The following KDM4B variants were observed in gnomAD, a reference collection of about 807,000 sequenced individuals.
The protein encoded by KDM4B is lysine demethylase 4B, also known as lysine-specific demethylase 4B.
A neutral mutation model predicts 125.2 loss-of-function variants in KDM4B; 32 were observed. That is an observed-to-expected ratio of 0.26 (90% CI 0.19 to 0.34). The LOEUF is 0.34. KDM4B is among the 10% of genes least tolerant of loss of function. The probability of loss-of-function intolerance (pLI) is 1.00; values close to 1 mark genes in which losing one functional copy is unlikely to be tolerated. For missense variants in KDM4B, 1,190 were observed against 1,577.7 expected (o/e 0.75, Z 4.16); for synonymous variants, 721 against 677.9 (o/e 1.06, Z -0.99).
At chr19:4,986,229 G>A (rs890591027) in intron 1 of KDM4B, among the ~76,000 whole-genome samples, 12 of 152,334 alleles carry the variant, frequency 7.9e-5, no homozygotes, top group Middle Eastern at 3.4e-3. Flanking sequence ...GGGGCTTCAC[G>A]AGCCACATTC....
At position 5,073,430 on chromosome 19, in the gene KDM4B, C is replaced by A. The variant is rs915279655; in HGVS notation, c.676+2371C>A. On this transcript the variant is annotated intron_variant, in intron 7 of 22. Transcript: ENST00000159111. ...AGTCTGTACTGGAGCTGGGCTTCAC[C>A]CAGGCGGGCCCCTCCTGGTGCTCTC... Among the ~76,000 whole-genome samples, 18 of 152,392 alleles carry A rather than the reference C, an allele frequency of 1.2e-4. 1 individual carries two copies. Among genetic ancestry groups the A allele is most frequent in the Admixed American group, 1.1e-3 (17 of 15,310 alleles).
At chr19:5,062,948 G>A (rs1464127094) in intron 6 of KDM4B, among the ~76,000 whole-genome samples, 1 of 151,508 alleles carries the variant, frequency 6.6e-6, no homozygotes, top group African/African-American at 2.4e-5. Context: ...GCCTTACTTA[G>A]ACGTTTATAT....
intron 11 of KDM4B, among the ~76,000 whole-genome samples, chr19:5,125,453 C>T (rs1194034665): frequency 1.3e-5 from 2 of 152,206 alleles, no homozygotes; most frequent in Non-Finnish European, 2.9e-5. Context: ...GAAGCCTACA[C>T]CGCGTGGGAG....
chr19:5,031,154 G>A lies in KDM4B; in HGVS notation c.-25-1712G>A, dbSNP rs1416040085. 3.3e-5 allele frequency among the ~76,000 whole-genome samples: 5 copies of A among 152,330 alleles called. No homozygotes were observed. In the East Asian group the frequency reaches 9.7e-4, roughly 29 times the overall value. The stretch of plus-strand genomic sequence containing the variant: ...GGCCACATCTGGGTGAGAGCGGGAG[G>A]GCAGGTGCAGCGTTGGGGGGATCCT... On this transcript the variant is annotated intron_variant, in intron 2 of 22. Coordinates refer to ENST00000159111, the MANE Select transcript of KDM4B (RefSeq NM_015015.3).
chr19:5,116,967 A>G (rs1315790928), intron 10 of KDM4B, among the ~76,000 whole-genome samples: 1 of 152,156 alleles, frequency 6.6e-6, no homozygotes, highest in Non-Finnish European at 1.5e-5. Flanking sequence ...TGAAGATGTC[A>G]GGGTCAGGAA....
Position 5,137,327 on chromosome 19 carries a change from G to T in KDM4B, c.2374G>T (p.Ala792Ser), listed in dbSNP as rs200842905. ...GACGTGTTCCCGGTGCGCGGCCCAC[G>T]CCTGGACTGCGGTAACTCGCTCCCC... Reference protein sequence around the residue: ...GWTCSRCAAHAWTAECCLCNL... With the variant: ...GWTCSRCAAHSWTAECCLCNL... The change falls in exon 16 of 23, where the codon GCC (alanine) becomes TCC (serine). Residue 792 changes from alanine (A) to serine (S), a missense_variant. Ala to Ser is a moderately conservative substitution (Grantham distance 99). Around this residue, in one of 7 missense-constraint regions of KDM4B, gnomAD observed 298 missense variants for 439.7 expected, o/e 0.68. Transcript: ENST00000159111. 1 of 1,569,940 alleles carries T rather than the reference G, an allele frequency of 6.4e-7. No homozygotes were observed. The highest frequency in any genetic ancestry group is 1.2e-5 in the South Asian group (1 of 85,392).
chr19:5,080,721 A>G (rs879378395), intron 8 of KDM4B: 3 of 152,258 alleles, frequency 2.0e-5, no homozygotes, highest in Non-Finnish European at 4.4e-5. Context: ...ATGAAAACAT[A>G]TGTCTCCAGA....
At chr19:5,001,365 G>C (rs963072377) in intron 1 of KDM4B, among the ~76,000 whole-genome samples, 8 of 152,176 alleles carry the variant, frequency 5.3e-5, no homozygotes, top group African/African-American at 1.9e-4. Flanking sequence ...GCTGTGCTCT[G>C]TTCATTTAGC....
intron 2 of KDM4B, among the ~76,000 whole-genome samples, chr19:5,020,118 AGTGTGCAGGTGTTGGTGTGGATGTTG>A (rs1399204710): frequency 0.26 from 17,956 of 68,212 alleles, 1,538 homozygotes; most frequent in Non-Finnish European, 0.32. Flanking sequence ...TGCAGGTGTT[AGTGTGCAGGTGTTGGTGTGGATGTTG>A]GTGTGCAGGT....
At chr19:5,102,854 C>T (rs371569739) in intron 9 of KDM4B, among the ~76,000 whole-genome samples, 6 of 152,222 alleles carry the variant, frequency 3.9e-5, no homozygotes, top group South Asian at 4.1e-4. Flanking sequence ...GAGCTCTTCA[C>T]GTCCGGTGCT....
intron 7 of KDM4B, chr19:5,075,907 TG>T: frequency 6.5e-6 from 1 of 154,388 alleles, no homozygotes; most frequent in Non-Finnish European, 1.4e-5. Context: ...CTGTGCTGTG[TG>T]GGGGGGCAGG....
chr19:4,985,302 C>T (rs2034789274), intron 1 of KDM4B, among the ~76,000 whole-genome samples: 1 of 152,050 alleles, frequency 6.6e-6, no homozygotes, highest in Admixed American at 6.5e-5. Context: ...CCAGCCTGGG[C>T]AACAGAGCGA....
At chr19:5,084,540 AT>A (rs888467297) in intron 9 of KDM4B, among the ~76,000 whole-genome samples, 2 of 133,666 alleles carry the variant, frequency 1.5e-5, no homozygotes, top group Non-Finnish European at 3.1e-5. Context: ...TTATTTATAT[AT>A]TATATATAAT....
At position 5,024,045 on chromosome 19, in the gene KDM4B, C is replaced by G. The variant is rs73921829; in HGVS notation, c.-26+7706C>G. 1.7e-3 allele frequency among the ~76,000 whole-genome samples: 255 copies of G among 152,240 alleles called. 3 individuals carry two copies. The highest frequency in any genetic ancestry group is 5.7e-3 in the African/African-American group (237 of 41,546). On this transcript the variant is annotated intron_variant, in intron 2 of 22. Coordinates refer to ENST00000159111, the MANE Select transcript of KDM4B (RefSeq NM_015015.3). ...GGGTCACAGGCGTGAGCCCCTGCCC[C>G]TGGCCTTCTTATTTTTAAACCGATT...
intron 1 of KDM4B, among the ~76,000 whole-genome samples, chr19:5,004,151 G>T (rs369654569): frequency 3.9e-5 from 6 of 152,312 alleles, no homozygotes; most frequent in African/African-American, 1.4e-4. Flanking sequence ...CCTGGAGGGC[G>T]GGTGTGCTGG....
At chr19:5,023,503 G>A (rs1367639041) in intron 2 of KDM4B, among the ~76,000 whole-genome samples, 1 of 152,186 alleles carries the variant, frequency 6.6e-6, no homozygotes, top group South Asian at 2.1e-4. Flanking sequence ...GTGGCTTGGG[G>A]CTCCTCTGTC....
chr19:5,067,102 G>A (rs1269121332), intron 6 of KDM4B, among the ~76,000 whole-genome samples: 1 of 152,082 alleles, frequency 6.6e-6, no homozygotes, highest in South Asian at 2.1e-4. Flanking sequence ...CCTCCCTCCC[G>A]AAGGCTCCCC....
intron 6 of KDM4B, among the ~76,000 whole-genome samples, chr19:5,065,213 G>A (rs553714568): frequency 3.4e-4 from 52 of 152,308 alleles, no homozygotes; most frequent in African/African-American, 1.2e-3. Context: ...ATGTGGGCCC[G>A]CCTCAGGCTG....
intron 2 of KDM4B, 39 bp from the exon 3 acceptor site, chr19:5,032,827 C>A: frequency 6.4e-7 from 1 of 1,571,738 alleles, no homozygotes; most frequent in Non-Finnish European, 8.7e-7. Flanking sequence ...CTGGGCATGG[C>A]GGCACCGCTG....
Sources: gnomAD v4.1 joint callset for allele counts (sites outside exome capture counted in the v4.1 genomes callset) on GRCh38, gnomAD v4.1.1 for gene constraint, gnomAD v4.1.1 regional missense constraint, MANE v1.5 for transcripts, NCBI Gene and HGNC (gene_info 2026-07-23, HGNC 2026-07-21) for gene names.